Variants in C2orf74 observed in about 807,000 individuals in gnomAD.
The protein encoded by C2orf74 is DPM1 ER membrane anchor 1.
A neutral mutation model predicts 17.9 loss-of-function variants in C2orf74; 14 were observed. That is an observed-to-expected ratio of 0.78 (90% CI 0.52 to 1.22). The LOEUF (loss-of-function observed/expected upper bound fraction) is 1.22. Among genes scored for constraint, C2orf74 ranks in the 50% most tolerant of loss-of-function variants. The pLI is 0.00. For synonymous variants in C2orf74, 79 were observed against 72.6 expected, an observed-to-expected ratio of 1.09 and a Z score of -0.44; for missense variants, 217 against 218.4, an observed-to-expected ratio of 0.99 and a Z score of 0.04.
rs773332787 is a variant in C2orf74 at position 61,162,829 on chromosome 2, T to A, written c.96-13T>A. On this transcript the variant is annotated splice_polypyrimidine_tract_variant and intron_variant, in intron 2 of 4. Coordinates refer to ENST00000432605, the MANE Select transcript of C2orf74 (RefSeq NM_001143959.4). The stretch of plus-strand genomic sequence containing the variant: ...TTCTTCCTTTTCTGAATTTGTGGCT[T>A]GTTTGTTTTCAGTTTCCAAGGCAGG... 3 of 1,547,756 alleles carry A rather than the reference T, an allele frequency of 1.9e-6. No homozygotes were observed. The highest frequency in any genetic ancestry group is 2.4e-5 in the South Asian group (2 of 83,974).
rs200869043 is a variant in C2orf74 at position 61,163,078 on chromosome 2, A to G, written c.236A>G (p.Asn79Ser). Residue 79 changes from asparagine (N) to serine (S), a missense_variant, in exon 4 of 5, where the codon AAT becomes AGT. Coordinates refer to ENST00000432605, the MANE Select transcript of C2orf74 (RefSeq NM_001143959.4). Reference protein sequence around the residue: ...ERILMQVMNLNVPMRPGILVQ... With the variant: ...ERILMQVMNLSVPMRPGILVQ... ...ATCTTAATGCAAGTCATGAACTTGA[A>G]TGTGCCGATGAGGCCTGGCATTCTT... 123 of 1,552,058 alleles carry G rather than the reference A, an allele frequency of 7.9e-5. 1 individual carries two copies. Among genetic ancestry groups the G allele is most frequent in the Non-Finnish European group, 1.6e-5 (18 of 1,147,070 alleles).
At chr2:61,156,433 C>G (rs1341280558) in intron 1 of C2orf74, among the ~76,000 whole-genome samples, 14 of 151,792 alleles carry the variant, frequency 9.2e-5, no homozygotes, top group Non-Finnish European at 1.5e-5. Flanking sequence ...AACAATGAAA[C>G]AAAATGGATG....
At position 61,162,596 on chromosome 2, in the gene C2orf74, T is replaced by G. The variant is rs1056791095; in HGVS notation, c.82T>G (p.Phe28Val). The stretch of plus-strand genomic sequence containing the variant: ...TTGCATCCTCCTCTTATTGGTGGTT[T>G]TTTTATATAAATGGTATAAATCCAT... Reference protein sequence around the residue: ...LICILLLLVVFLYKCFQGRKG... With the variant: ...LICILLLLVVVLYKCFQGRKG... Residue 28 changes from phenylalanine to valine, a missense_variant, in exon 2 of 5, where the codon TTT (phenylalanine) becomes GTT (valine). Coordinates refer to ENST00000432605, the MANE Select transcript of C2orf74 (RefSeq NM_001143959.4). The G allele has an allele frequency of 2.6e-6, 4 of 1,540,990 alleles. No homozygotes were observed. The highest frequency in any genetic ancestry group is 3.5e-6 in the Non-Finnish European group (4 of 1,137,540).
intron 1 of C2orf74, among the ~76,000 whole-genome samples, chr2:61,146,833 G>A (rs527495527): frequency 3.9e-5 from 5 of 128,714 alleles, no homozygotes; most frequent in South Asian, 4.6e-4. Context: ...GCAAGACTTC[G>A]TCTCAAAAAA....
intron 1 of C2orf74, among the ~76,000 whole-genome samples, chr2:61,147,669 C>T (rs1295350794): frequency 6.6e-6 from 1 of 152,148 alleles, no homozygotes; most frequent in Non-Finnish European, 1.5e-5. Context: ...TTTGCCTTTC[C>T]CTTTTTTATA....
At chr2:61,152,938 C>T (rs1399054448) in intron 1 of C2orf74, among the ~76,000 whole-genome samples, 1 of 151,026 alleles carries the variant, frequency 6.6e-6, no homozygotes, top group Non-Finnish European at 1.5e-5. Context: ...GGCGGATCAC[C>T]TGAGGTCAGG....
intron 4 of C2orf74, among the ~76,000 whole-genome samples, chr2:61,164,078 G>A (rs1192330759): frequency 2.6e-5 from 4 of 152,068 alleles, no homozygotes; most frequent in East Asian, 1.9e-4. Flanking sequence ...GGCCATGCCC[G>A]GTTGACGACA....
upstream of C2orf74, chr2:61,157,775 C>T (rs1173988804): frequency 2.3e-6 from 1 of 433,160 alleles, no homozygotes; most frequent in Non-Finnish European, 4.8e-6. Context: ...GTCCACTGCC[C>T]CTAGTTTCCA....
At chr2:61,160,461 G>A (rs1685532288), upstream of C2orf74, among the ~76,000 whole-genome samples, 1 of 150,226 alleles carries the variant, frequency 6.7e-6, no homozygotes, top group African/African-American at 2.5e-5. Context: ...CGCCCAGCCC[G>A]GAATTTCATT....
At chr2:61,156,881 A>G (rs1685407116) in intron 1 of C2orf74, among the ~76,000 whole-genome samples, 2 of 152,186 alleles carry the variant, frequency 1.3e-5, no homozygotes, top group South Asian at 2.1e-4. Context: ...CCCTGTCTCA[A>G]AAACAACCAC....
At chr2:61,158,650 G>A (rs1685469503), upstream of C2orf74, among the ~76,000 whole-genome samples, 1 of 152,168 alleles carries the variant, frequency 6.6e-6, no homozygotes, top group South Asian at 2.1e-4. Flanking sequence ...CTCCCCAGTT[G>A]ATTAAGATTG....
intron 1 of C2orf74, among the ~76,000 whole-genome samples, chr2:61,153,225 G>A (rs1420416992): frequency 1.3e-5 from 2 of 151,772 alleles, no homozygotes; most frequent in Admixed American, 6.6e-5. Context: ...ACAGAGAGGA[G>A]GAAGACAATT....
In C2orf74 at chr2:61,163,341, G is replaced by A. The variant is rs1015531724; in HGVS notation, c.390+109G>A. 9.2e-6 allele frequency: 11 copies of A among 1,190,268 alleles called. No individual in the cohort carries two copies. The Admixed American group carries it at 2.9e-4, about 32-fold the overall frequency. 73.7% of individuals were successfully genotyped at this position (1,190,268 alleles called of 1,614,324 possible). On this transcript the variant is annotated intron_variant, in intron 4 of 4. Transcript: ENST00000432605. ...TAGGAGATGGAGGACCGGGCGGGTG[G>A]CTCACGCCTGTAATCCCAGCATTTT...
intron 2 of C2orf74, 115 bp downstream of exon 2, chr2:61,162,724 T>G (rs1685600052): frequency 9.1e-7 from 1 of 1,096,040 alleles, no homozygotes; most frequent in East Asian, 2.6e-5. Flanking sequence ...AATTATCTAC[T>G]TTTCCATTTC....
Position 61,164,564 on chromosome 2 carries a change from G to C in C2orf74, c.*37G>C, listed in dbSNP as rs1005881256. On this transcript the variant is annotated 3_prime_UTR_variant, in exon 5 of 5. Transcript: ENST00000432605. Reference sequence around the variant, plus strand: ...GGGTAAGAGTGAAAGAAAATGTAACGTTTGACTAACGTTGAAAGACTGAGG... The same window carrying C: ...GGGTAAGAGTGAAAGAAAATGTAACCTTTGACTAACGTTGAAAGACTGAGG... 3.5e-6 allele frequency: 5 copies of C among 1,435,312 alleles called. No homozygotes were observed. Among genetic ancestry groups the C allele is most frequent in the Admixed American group, 2.9e-5 (1 of 34,162 alleles). 88.9% of individuals were successfully genotyped at this position (1,435,312 alleles called of 1,614,324 possible).
upstream of C2orf74, chr2:61,159,349 T>A (rs1349364004): frequency 2.7e-6 from 1 of 365,380 alleles, no homozygotes; most frequent in Admixed American, 3.3e-5. Context: ...TAGGCTGGAG[T>A]GCAGTGGCAC....
intron 1 of C2orf74, chr2:61,151,593 G>A (rs1173859265): frequency 6.6e-6 from 1 of 151,912 alleles, no homozygotes; most frequent in Non-Finnish European, 1.5e-5. Context: ...TTGGCAAGAA[G>A]CCCTAGTTCC....
In C2orf74 at chr2:61,164,301, G is replaced by A. The variant is rs950115125; in HGVS notation, c.391-53G>A. 1.9e-5 allele frequency: 26 copies of A among 1,399,040 alleles called. 1 individual carries two copies. The Admixed American group carries it at 5.6e-4, about 30-fold the overall frequency. The allele number at this position is 1,399,040 out of a possible 1,614,324, so 86.7% of individuals were successfully genotyped here. On this transcript the variant is annotated intron_variant, in intron 4 of 4. Coordinates refer to ENST00000432605, the MANE Select transcript of C2orf74 (RefSeq NM_001143959.4). ...ATATAACCTGTAATTTTAAAAGCAG[G>A]GCTTGTCATAAATTGATTATTTGTT...
Position 61,162,485 on chromosome 2 carries a change from TGA to T in C2orf74, c.-26_-25del. On this transcript the variant is annotated 5_prime_UTR_variant, in exon 2 of 5. Coordinates refer to ENST00000432605, the MANE Select transcript of C2orf74 (RefSeq NM_001143959.4). ...AGAATATTTGGACAGTCTGTGATTG[TGA>T]GAGTGGATGAGTCTTCTAGCTAAAC... 6.7e-7 allele frequency: 1 copy of T among 1,485,698 alleles called. No individual in the cohort carries two copies. Among genetic ancestry groups the T allele is most frequent in the Non-Finnish European group, 9.2e-7 (1 of 1,089,816 alleles). 92.0% of individuals were successfully genotyped at this position (1,485,698 alleles called of 1,614,324 possible).
Sources: gnomAD v4.1 joint callset for allele counts (sites outside exome capture counted in the v4.1 genomes callset) on GRCh38, gnomAD v4.1.1 for gene constraint, MANE v1.5 for transcripts, NCBI Gene and HGNC (gene_info 2026-07-23, HGNC 2026-07-21) for gene names.